DMD: variants seen among roughly 807,000 people sequenced by gnomAD.
DMD encodes the protein dystrophin.
DMD carries 63 observed loss-of-function variants against 330.1 expected under a neutral mutation model. That is an observed-to-expected ratio of 0.19 (90% confidence interval 0.16 to 0.24). The LOEUF (loss-of-function observed/expected upper bound fraction) is 0.24. DMD is among the 10% of genes least tolerant of loss of function. The probability of loss-of-function intolerance (pLI) is 1.00; values close to 1 mark genes in which losing one functional copy is unlikely to be tolerated. For missense variants in DMD, 3,344 were observed against 2,684.1 expected (o/e 1.25, Z -5.43); for synonymous variants, 1,223 against 959.8 (o/e 1.27, Z -5.07).
intron 60 of DMD, among the ~76,000 whole-genome samples, chrX:31,436,673 G>C (rs1222012005): frequency 8.9e-6 from 1 of 111,975 alleles, no homozygotes; most frequent in Non-Finnish European, 1.9e-5. Flanking sequence ...TTTGACCTCA[G>C]TATGCTCTAA....
At chrX:32,686,819 G>A (rs781465595) in intron 9 of DMD, among the ~76,000 whole-genome samples, 4 of 110,576 alleles carry the variant, frequency 3.6e-5, no homozygotes, top group South Asian at 3.8e-4. Flanking sequence ...ACTAGAGATC[G>A]CCCTACAGAA....
chrX:32,415,415 C>G (rs5972561), intron 29 of DMD, among the ~76,000 whole-genome samples: 30,975 of 110,784 alleles, frequency 0.28, 5,413 homozygotes, highest in African/African-American at 0.66. Context: ...GAAAAGACCT[C>G]ATGTCAATGC....
chrX:31,883,699 TTAAAG>T (rs754206913), intron 47 of DMD, among the ~76,000 whole-genome samples: 1 of 111,560 alleles, frequency 9.0e-6, no homozygotes, highest in Admixed American at 9.6e-5. Flanking sequence ...GTTGCGTCCA[TTAAAG>T]TAAATATTAT....
chrX:32,815,326 G>T (rs2077647834), intron 6 of DMD, among the ~76,000 whole-genome samples: 1 of 106,444 alleles, frequency 9.4e-6, no homozygotes, highest in Admixed American at 1.0e-4. Flanking sequence ...AAAAATCAAA[G>T]TGAGAAAACA....
At chrX:32,595,629 T>G in intron 13 of DMD, 128 bp downstream of exon 13, 3 of 627,132 alleles carry the variant, frequency 4.8e-6, no homozygotes. Flanking sequence ...TATGAGTGTG[T>G]GTATATTGTA....
intron 53 of DMD, among the ~76,000 whole-genome samples, chrX:31,659,897 A>G (rs980395023): frequency 9.0e-6 from 1 of 111,257 alleles, no homozygotes; most frequent in Non-Finnish European, 1.9e-5. Context: ...CTGAGGAGAA[A>G]AATCATTTTT....
At chrX:32,952,532 AAAT>A (rs2091313159) in intron 2 of DMD, among the ~76,000 whole-genome samples, 1 of 111,272 alleles carries the variant, frequency 9.0e-6, no homozygotes, top group South Asian at 3.7e-4. Flanking sequence ...TCGATTCTAA[AAAT>A]CACAGTCTCG....
intron 44 of DMD, among the ~76,000 whole-genome samples, chrX:32,164,097 G>A (rs368842134): frequency 9.0e-6 from 1 of 110,946 alleles, no homozygotes; most frequent in East Asian, 2.9e-4. Context: ...TTTTGGCTCG[G>A]CACAATGGAC....
chrX:32,705,161 C>T (rs2064503716), intron 7 of DMD, among the ~76,000 whole-genome samples: 1 of 111,920 alleles, frequency 8.9e-6, no homozygotes, highest in Non-Finnish European at 1.9e-5. Context: ...AAAATTTGCA[C>T]AACTCCTCCC....
intron 2 of DMD, among the ~76,000 whole-genome samples, chrX:32,853,785 A>AAC (rs1365196099): frequency 3.7e-5 from 4 of 106,726 alleles, no homozygotes. Context: ...AAAAAAAAAA[A>AAC]ACAAACAACA....
intron 2 of DMD, among the ~76,000 whole-genome samples, chrX:32,855,666 T>A (rs917163830): frequency 2.7e-5 from 3 of 112,079 alleles, no homozygotes; most frequent in Non-Finnish European, 5.6e-5. Context: ...AGTATCAATC[T>A]AAGTGGAACA....
intron 4 of DMD, among the ~76,000 whole-genome samples, chrX:32,826,489 C>G (rs1258480031): frequency 9.0e-6 from 1 of 111,731 alleles, no homozygotes; most frequent in Non-Finnish European, 1.9e-5. Context: ...CAGACCTACA[C>G]ACACACACAC....
chrX:32,639,375 A>G (rs992985265), intron 11 of DMD, among the ~76,000 whole-genome samples: 13 of 111,458 alleles, frequency 1.2e-4, no homozygotes, highest in African/African-American at 4.2e-4. Context: ...ATTCCACAGC[A>G]TTAAAAAAAA....
intron 1 of DMD, among the ~76,000 whole-genome samples, chrX:33,085,431 A>T (rs760790051): frequency 8.9e-6 from 1 of 111,859 alleles, no homozygotes; most frequent in Non-Finnish European, 1.9e-5. Flanking sequence ...CTAGTAAAAC[A>T]AGCTTCAGCC....
At chrX:32,674,459 G>T (rs2061836833) in intron 9 of DMD, among the ~76,000 whole-genome samples, 1 of 111,768 alleles carries the variant, frequency 8.9e-6, no homozygotes, top group Admixed American at 9.6e-5. Context: ...GAGGACTGTA[G>T]TAAGCACTGC....
chrX:31,997,043 T>C (rs1366819622), intron 44 of DMD, among the ~76,000 whole-genome samples: 2 of 111,540 alleles, frequency 1.8e-5, no homozygotes, highest in African/African-American at 6.5e-5. Flanking sequence ...TTTGCCCATA[T>C]AATGATCCAA....
chrX:32,783,916 C>T lies in DMD; in HGVS notation c.649+25577G>A, dbSNP rs1048431556. On this transcript the variant is annotated intron_variant, in intron 7 of 78. Transcript: ENST00000357033. Reference sequence around the variant, plus strand: ...TTCATACTTAAAGCTGCTTAAATGACCAACTTAAAAGATAGATTTATTATT... The same window carrying T: ...TTCATACTTAAAGCTGCTTAAATGATCAACTTAAAAGATAGATTTATTATT... Among the ~76,000 whole-genome samples, 5 of 108,261 alleles carry T rather than the reference C, an allele frequency of 4.6e-5. No homozygotes were observed. In the Admixed American group the frequency reaches 5.0e-4, roughly 11 times the overall value. The allele number at this position is 108,261 out of a possible 115,157, so 94.0% of individuals were successfully genotyped here.
chrX:31,804,646 T>G (rs774347803), intron 50 of DMD, among the ~76,000 whole-genome samples: 1 of 111,534 alleles, frequency 9.0e-6, no homozygotes, highest in Non-Finnish European at 1.9e-5. Context: ...TCATCTGGAA[T>G]GTCCTCCCTG....
intron 44 of DMD, among the ~76,000 whole-genome samples, chrX:32,191,778 A>G (rs1378357582): frequency 8.9e-6 from 1 of 112,309 alleles, no homozygotes; most frequent in African/African-American, 3.2e-5. Flanking sequence ...TGTAAATGCT[A>G]TATAAATACT....
Sources: allele counts gnomAD v4.1 joint callset (sites outside exome capture counted in the v4.1 genomes callset), GRCh38; gene constraint gnomAD v4.1.1; transcripts MANE v1.5; gene names NCBI Gene and HGNC (gene_info 2026-07-23, HGNC 2026-07-21).